The following CATSPERB variants were observed in gnomAD, a reference collection of about 807,000 sequenced individuals.
CATSPERB encodes the protein cation channel sperm-associated auxiliary subunit beta.
A neutral mutation model predicts 128.3 loss-of-function variants in CATSPERB; 93 were observed. The ratio of observed to expected loss-of-function variants is 0.72; its 90% CI spans 0.61 to 0.86. CATSPERB has a LOEUF of 0.86. Among genes scored for constraint, CATSPERB ranks in the 40% least tolerant of loss-of-function variants. CATSPERB has a pLI of 0.00. For missense variants in CATSPERB, 1,153 were observed against 1,329.5 expected, an observed-to-expected ratio of 0.87 and a Z score of 2.06; for synonymous variants, 381 against 448.8, an observed-to-expected ratio of 0.85 and a Z score of 1.91.
chr14:91,631,085 T>A (rs761332505), intron 17 of CATSPERB, among the ~76,000 whole-genome samples: 1 of 152,230 alleles, frequency 6.6e-6, no homozygotes, highest in Non-Finnish European at 1.5e-5. Flanking sequence ...TCTGTCACCA[T>A]ATTTACTTTC....
intron 24 of CATSPERB, among the ~76,000 whole-genome samples, chr14:91,588,943 A>G (rs369101387): frequency 6.6e-6 from 1 of 152,260 alleles, no homozygotes; most frequent in Non-Finnish European, 1.5e-5. Flanking sequence ...TTAATGGCTG[A>G]CCAAAATTTC....
intron 10 of CATSPERB, 128 bp from the exon 11 acceptor site, chr14:91,684,071 TG>T: frequency 1.7e-6 from 1 of 583,602 alleles, no homozygotes; most frequent in Non-Finnish European, 3.0e-6. Context: ...AGACAAAAAT[TG>T]TATGCAAATA....
intron 7 of CATSPERB, among the ~76,000 whole-genome samples, chr14:91,703,234 G>A (rs1406354560): frequency 6.6e-6 from 1 of 152,144 alleles, no homozygotes; most frequent in Non-Finnish European, 1.5e-5. Flanking sequence ...ACTATTAGTA[G>A]TTGAAATGTG....
chr14:91,715,552 CAAAA>C (rs57554614), intron 5 of CATSPERB, among the ~76,000 whole-genome samples: 1 of 45,634 alleles, frequency 2.2e-5, no homozygotes, highest in African/African-American at 7.6e-5. Context: ...GACTCCATCT[CAAAA>C]AAAAAAAAAA....
At chr14:91,617,891 C>T (rs1566705708) in intron 19 of CATSPERB, among the ~76,000 whole-genome samples, 155 bp from the exon 20 acceptor site, 5 of 152,140 alleles carry the variant, frequency 3.3e-5, no homozygotes, top group African/African-American at 1.2e-4. Context: ...ATAGAGTCAA[C>T]TTTAATAGTT....
chr14:91,600,829 C>T (rs1264700982), intron 22 of CATSPERB, among the ~76,000 whole-genome samples: 1 of 152,214 alleles, frequency 6.6e-6, no homozygotes, highest in South Asian at 2.1e-4. Context: ...AATCCTTGCC[C>T]CAAGGGGCTG....
intron 6 of CATSPERB, 73 bp downstream of exon 6, chr14:91,708,068 G>T: frequency 1.1e-6 from 1 of 942,280 alleles, no homozygotes; most frequent in Non-Finnish European, 1.7e-6. Flanking sequence ...CACAGAATCT[G>T]GCATATAGCG....
intron 22 of CATSPERB, chr14:91,604,946 A>C (rs1220436261): frequency 1.7e-6 from 2 of 1,186,008 alleles, no homozygotes; most frequent in Admixed American, 3.4e-5. Context: ...AAGTTCTTGC[A>C]TCTGCTGGAG....
chr14:91,719,886 G>C (rs1037941754), intron 4 of CATSPERB, among the ~76,000 whole-genome samples: 18 of 152,246 alleles, frequency 1.2e-4, no homozygotes, highest in African/African-American at 4.1e-4. Context: ...TGCAAGAATG[G>C]TAATCTCTGA....
At chr14:91,714,555 CTTT>C (rs56965295) in intron 5 of CATSPERB, among the ~76,000 whole-genome samples, 13 of 88,022 alleles carry the variant, frequency 1.5e-4, no homozygotes, top group Middle Eastern at 6.4e-3. Context: ...CCATAAACTA[CTTT>C]TTTTTTTTTT....
In CATSPERB at chr14:91,673,543, A is replaced by T. The variant is rs146547276; in HGVS notation, c.979-527T>A. 8.5e-5 allele frequency among the ~76,000 whole-genome samples: 13 copies of T among 152,296 alleles called. No individual in the cohort carries two copies. In the East Asian group the frequency reaches 2.5e-3, roughly 29 times the overall value. ...GTGTTTTAGTAACAGTAGGAAAATA[A>T]ATTAACAACCATAGTGTTGCTCTGA... On this transcript the variant is annotated intron_variant, in intron 12 of 26. Coordinates refer to ENST00000256343, the MANE Select transcript of CATSPERB (RefSeq NM_024764.4).
intron 10 of CATSPERB, among the ~76,000 whole-genome samples, chr14:91,685,157 A>G (rs1422840873): frequency 6.6e-6 from 1 of 152,106 alleles, no homozygotes; most frequent in East Asian, 1.9e-4. Flanking sequence ...GAGCTCCTGA[A>G]CTTAAGCAAT....
intron 7 of CATSPERB, among the ~76,000 whole-genome samples, chr14:91,699,635 G>A (rs562727393): frequency 5.3e-5 from 8 of 150,630 alleles, no homozygotes; most frequent in African/African-American, 1.5e-4. Context: ...ATGCAATGGC[G>A]CGGTCTCGGC....
chr14:91,685,304 CCTCATTT>C (rs1895354482), intron 10 of CATSPERB, among the ~76,000 whole-genome samples: 1 of 152,130 alleles, frequency 6.6e-6, no homozygotes, highest in Non-Finnish European at 1.5e-5. Context: ...TACTTAATCA[CCTCATTT>C]CTAAGAGGTA....
chr14:91,668,124 A>G (rs887292450), intron 14 of CATSPERB, among the ~76,000 whole-genome samples: 2 of 152,214 alleles, frequency 1.3e-5, no homozygotes, highest in African/African-American at 2.4e-5. Flanking sequence ...AGCTAGAGCT[A>G]TCATCGGCCA....
At chr14:91,714,586 G>A (rs1372581336) in intron 5 of CATSPERB, among the ~76,000 whole-genome samples, 1 of 122,412 alleles carries the variant, frequency 8.2e-6, no homozygotes, top group Non-Finnish European at 1.6e-5. Flanking sequence ...TTGAGATAGA[G>A]TCTTGCTCTG....
chr14:91,668,657 C>T (rs949670945), intron 14 of CATSPERB, among the ~76,000 whole-genome samples: 14 of 152,328 alleles, frequency 9.2e-5, no homozygotes, highest in African/African-American at 1.7e-4. Flanking sequence ...TGAGCTGTAA[C>T]ACTCACTGTG....
Position 91,719,440 on chromosome 14 carries a change from T to C in CATSPERB, c.348A>G (p.Arg116=). Reference sequence around the variant, plus strand: ...TACCTGTGCTTTGTGTGATGTTTTCTCTAGGAATATCAACCAACCACAAAA... The same window carrying C: ...TACCTGTGCTTTGTGTGATGTTTTCCCTAGGAATATCAACCAACCACAAAA... ...DRILWLVDIP[R]ENITQSTDIA... is the part of the protein sequence containing the mutation. The change falls in exon 5 of 27, where the codon AGA becomes AGG. Residue 116 remains arginine (R), a synonymous_variant. Transcript: ENST00000256343. The C allele has an allele frequency of 6.2e-7, 1 of 1,612,020 alleles. No homozygotes were observed. Among genetic ancestry groups the C allele is most frequent in the Non-Finnish European group, 8.5e-7 (1 of 1,178,938 alleles).
intron 22 of CATSPERB, among the ~76,000 whole-genome samples, chr14:91,601,546 G>T (rs1893607402): frequency 6.6e-6 from 1 of 152,082 alleles, no homozygotes; most frequent in Non-Finnish European, 1.5e-5. Flanking sequence ...AGAAACTAAG[G>T]CACAGAAACA....
Sources: allele counts gnomAD v4.1 joint callset (sites outside exome capture counted in the v4.1 genomes callset), GRCh38; gene constraint gnomAD v4.1.1; transcripts MANE v1.5; gene names NCBI Gene and HGNC (gene_info 2026-07-23, HGNC 2026-07-21).